LONRF1: variants seen among roughly 807,000 people sequenced by gnomAD.
LONRF1 encodes the protein LON peptidase N-terminal domain and ring finger 1.
In LONRF1, 37 loss-of-function variants were observed where a neutral mutation model predicts 85.8. That is an observed-to-expected ratio of 0.43 (90% CI 0.33 to 0.57). The LOEUF (loss-of-function observed/expected upper bound fraction) is 0.57. Ranked by LOEUF, LONRF1 falls within the 20% of genes least tolerant of loss-of-function variation. LONRF1 has a pLI of 0.04. For synonymous variants in LONRF1, 517 were observed against 390.1 expected (o/e 1.33, Z -3.83); for missense variants, 1,036 against 978.0 (o/e 1.06, Z -0.79).
chr8:12,735,197 G>A (rs913949709), intron 7 of LONRF1, 89 bp downstream of exon 7: 44 of 797,174 alleles, frequency 5.5e-5, no homozygotes, highest in African/African-American at 3.5e-4. Flanking sequence ...AATTCTGAAC[G>A]TGATCATCAC....
chr8:12,745,981 G>A (rs1799137141), intron 1 of LONRF1, among the ~76,000 whole-genome samples: 1 of 152,090 alleles, frequency 6.6e-6, no homozygotes, highest in South Asian at 2.1e-4. Context: ...CCAACTGCCT[G>A]CCATAATTTT....
chr8:12,723,884 T>A (rs1806037959), intron 11 of LONRF1, among the ~76,000 whole-genome samples: 1 of 152,194 alleles, frequency 6.6e-6, no homozygotes, highest in Admixed American at 6.5e-5. Flanking sequence ...AAGAAACATA[T>A]CTCCAGTGAA....
At position 12,731,861 on chromosome 8, in the gene LONRF1, A is replaced by G. The variant is rs1798540712; in HGVS notation, c.1567-4T>C. On this transcript the variant is annotated splice_region_variant and splice_polypyrimidine_tract_variant and intron_variant, in intron 7 of 11. Coordinates refer to ENST00000398246, the MANE Select transcript of LONRF1 (RefSeq NM_152271.5). ...AGTACCTCCTATCTGCTAGATACTA[A>G]AAGACAATATTATTTTACATTCCAG... The G allele has an allele frequency of 1.9e-6, 3 of 1,606,886 alleles. No individual in the cohort carries two copies. The highest frequency in any genetic ancestry group is 2.5e-6 in the Non-Finnish European group (3 of 1,177,404).
At chr8:12,734,312 T>A (rs1275613639) in intron 7 of LONRF1, among the ~76,000 whole-genome samples, 1 of 152,202 alleles carries the variant, frequency 6.6e-6, no homozygotes, top group Non-Finnish European at 1.5e-5. Context: ...ATAACAGACA[T>A]GCTATTATGA....
intron 1 of LONRF1, among the ~76,000 whole-genome samples, chr8:12,750,019 G>A (rs1799315456): frequency 1.3e-5 from 2 of 152,172 alleles, no homozygotes; most frequent in Non-Finnish European, 2.9e-5. Flanking sequence ...TGTTTTGCGT[G>A]CTAATTTTTA....
At chr8:12,735,441 T>G (rs777186327) in intron 6 of LONRF1, 41 bp from the exon 7 acceptor site, 2 of 1,305,750 alleles carry the variant, frequency 1.5e-6, no homozygotes, top group Admixed American at 1.9e-5. Context: ...CACATTAAAC[T>G]ATCCACTGAA....
At chr8:12,737,229 TGCC>T in intron 4 of LONRF1, 89 bp from the exon 5 acceptor site, 5 of 1,351,850 alleles carry the variant, frequency 3.7e-6, no homozygotes, top group Non-Finnish European at 5.2e-6. Context: ...GAAATTTCAA[TGCC>T]TTATAATGCT....
chr8:12,755,354 C>G lies in LONRF1; in HGVS notation c.67G>C (p.Gly23Arg). ...GSREMAPAPQ[G>R]RGRFWEVGGG... ...CCCACTTCCCAGAACCGGCCTCGGC[C>G]CTGCGGCGCTGGGGCCATCTCCCGA... is the stretch of plus-strand genomic sequence containing the variant. Residue 23 changes from glycine to arginine, a missense_variant, in exon 1 of 12, where the codon GGC becomes CGC. Physicochemically the swap from Gly to Arg is moderately radical, Grantham distance 125. Transcript: ENST00000398246. 1 of 1,225,878 alleles carries G rather than the reference C, an allele frequency of 8.2e-7. No individual in the cohort carries two copies. Among genetic ancestry groups the G allele is most frequent in the Non-Finnish European group, 1.0e-6 (1 of 980,858 alleles). The allele number at this position is 1,225,878 out of a possible 1,614,324, so 75.9% of individuals were successfully genotyped here. A position where few individuals can be genotyped will look rare whatever the true frequency, so the allele number is the denominator to read the frequency against.
At chr8:12,730,477 T>C (rs926490101) in intron 8 of LONRF1, among the ~76,000 whole-genome samples, 5 of 152,216 alleles carry the variant, frequency 3.3e-5, no homozygotes, top group Admixed American at 6.5e-5. Context: ...TTAAAATATG[T>C]GTTTTAAGAA....
intron 1 of LONRF1, among the ~76,000 whole-genome samples, chr8:12,750,120 C>T (rs7007550): frequency 0.98 from 149,240 of 152,344 alleles, 73,170 homozygotes; most frequent in East Asian, 1. Context: ...GAAAGTCACC[C>T]AAAATTCTTG....
In LONRF1 at chr8:12,736,864, A is replaced by T. The variant is rs748470473; in HGVS notation, c.1354+36T>A. ...CTTTAAAGACTATTCTGACTAAATA[A>T]ATTTATTTTATATAAGTGTAGAGCA... On this transcript the variant is annotated intron_variant, in intron 5 of 11. Coordinates refer to ENST00000398246, the MANE Select transcript of LONRF1 (RefSeq NM_152271.5). 3.8e-6 allele frequency: 6 copies of T among 1,572,232 alleles called. No homozygotes were observed. In the South Asian group the frequency reaches 7.1e-5, roughly 19 times the overall value.
At chr8:12,739,112 A>T (rs1798831646) in intron 3 of LONRF1, among the ~76,000 whole-genome samples, 1 of 152,138 alleles carries the variant, frequency 6.6e-6, no homozygotes, top group Non-Finnish European at 1.5e-5. Context: ...CCTAGAACCC[A>T]GCAATTCCAC....
chr8:12,740,739 C>A, intron 3 of LONRF1, 135 bp downstream of exon 3: 1 of 1,140,458 alleles, frequency 8.8e-7, no homozygotes, highest in Non-Finnish European at 1.2e-6. Context: ...GAAAACCACT[C>A]AAATTATCAC....
At chr8:12,733,089 TC>T (rs1188895185) in intron 7 of LONRF1, among the ~76,000 whole-genome samples, 2 of 152,060 alleles carry the variant, frequency 1.3e-5, no homozygotes, top group Non-Finnish European at 2.9e-5. Flanking sequence ...TGGGGTAGGG[TC>T]CAAGAATCTA....
chr8:12,748,725 C>T (rs1167091449), intron 1 of LONRF1, among the ~76,000 whole-genome samples: 1 of 151,512 alleles, frequency 6.6e-6, no homozygotes, highest in Non-Finnish European at 1.5e-5. Flanking sequence ...TATTCATATT[C>T]CTTTTCTCAT....
In LONRF1 at chr8:12,743,233, A is replaced by G; in HGVS notation, c.771T>C (p.Gly257=). 6.2e-7 allele frequency: 1 copy of G among 1,613,302 alleles called. No homozygotes were observed. The highest frequency in any genetic ancestry group is 8.5e-7 in the Non-Finnish European group (1 of 1,179,460). ...VKIYRAESYA[G]LQEFKAAIED... ...CTATGGCTGCTTTAAACTCTTGGAG[A>G]CCAGCATATGATTCCGCTCTGTAAA... is the stretch of plus-strand genomic sequence containing the variant. Residue 257 remains glycine (G), a synonymous_variant, in exon 2 of 12, where the codon GGT becomes GGC. Coordinates refer to ENST00000398246, the MANE Select transcript of LONRF1 (RefSeq NM_152271.5).
intron 2 of LONRF1, among the ~76,000 whole-genome samples, 162 bp from the exon 3 acceptor site, chr8:12,741,158 T>C (rs113820946): frequency 0.025 from 3,799 of 152,170 alleles, 85 homozygotes; most frequent in South Asian, 0.11. Flanking sequence ...CTGACAAAGG[T>C]GGATCACTTG....
intron 11 of LONRF1, among the ~76,000 whole-genome samples, chr8:12,723,634 C>A: frequency 6.6e-6 from 1 of 152,256 alleles, no homozygotes; most frequent in Non-Finnish European, 1.5e-5. Context: ...AGCAGCACCT[C>A]TGATCTCTAT....
rs1799609127 is a variant in LONRF1 at position 12,755,463 on chromosome 8, C to T, written c.-43G>A. On this transcript the variant is annotated 5_prime_UTR_variant, in exon 1 of 12. Transcript: ENST00000398246. Reference sequence around the variant, plus strand: ...GCCGCCGCCGCCCGCCGCCACGGTCCCGGAGCCTCCCGGGCGCGCGGCTCC... The same window carrying T: ...GCCGCCGCCGCCCGCCGCCACGGTCTCGGAGCCTCCCGGGCGCGCGGCTCC... 1.9e-6 allele frequency: 2 copies of T among 1,050,240 alleles called. No individual in the cohort carries two copies. Among genetic ancestry groups the T allele is most frequent in the Non-Finnish European group, 1.2e-6 (1 of 863,606 alleles). The allele number at this position is 1,050,240 out of a possible 1,614,324, so 65.1% of individuals were successfully genotyped here.
Sources: allele counts gnomAD v4.1 joint callset (sites outside exome capture counted in the v4.1 genomes callset), GRCh38; gene constraint gnomAD v4.1.1; transcripts MANE v1.5; gene names NCBI Gene and HGNC (gene_info 2026-07-23, HGNC 2026-07-21).